Variants in B3GLCT observed in about 807,000 individuals in gnomAD.
B3GLCT encodes beta-1,3-glucosyltransferase.
In B3GLCT, 65 loss-of-function variants were observed where a neutral mutation model predicts 63.4. The ratio of observed to expected loss-of-function variants is 1.03; its 90% CI spans 0.84 to 1.26. The LOEUF (loss-of-function observed/expected upper bound fraction) is 1.26. Among genes scored for constraint, B3GLCT ranks in the 50% most tolerant of loss-of-function variants. The pLI, the probability that B3GLCT is intolerant of heterozygous loss-of-function variation, is 0.00. For missense variants in B3GLCT, 577 were observed against 604.8 expected (o/e 0.95, Z 0.48); for synonymous variants, 233 against 219.2 (o/e 1.06, Z -0.55).
chr13:31,299,795 T>A (rs1428682544), intron 12 of B3GLCT, among the ~76,000 whole-genome samples: 1 of 152,184 alleles, frequency 6.6e-6, no homozygotes, highest in African/African-American at 2.4e-5. Flanking sequence ...CTCTTCTGAT[T>A]GACATTGACT....
At chr13:31,251,664 G>A (rs1396154272) in intron 6 of B3GLCT, among the ~76,000 whole-genome samples, 1 of 151,474 alleles carries the variant, frequency 6.6e-6, no homozygotes, top group Non-Finnish European at 1.5e-5. Context: ...GACAAGATTA[G>A]AGAAAGAAGA....
At chr13:31,295,135 C>T (rs970230239) in intron 12 of B3GLCT, among the ~76,000 whole-genome samples, 2 of 152,190 alleles carry the variant, frequency 1.3e-5, no homozygotes, top group Non-Finnish European at 2.9e-5. Flanking sequence ...CTGGGTATTA[C>T]CAGTGGAGGC....
intron 1 of B3GLCT, among the ~76,000 whole-genome samples, chr13:31,201,810 G>C (rs544944019): frequency 6.6e-6 from 1 of 152,188 alleles, no homozygotes; most frequent in African/African-American, 2.4e-5. Flanking sequence ...AGGACATTCA[G>C]AATGCACTAA....
At chr13:31,272,853 T>G (rs954540820) in intron 8 of B3GLCT, among the ~76,000 whole-genome samples, 1 of 152,208 alleles carries the variant, frequency 6.6e-6, no homozygotes, top group Non-Finnish European at 1.5e-5. Flanking sequence ...TTTGCCATTG[T>G]TTTTGCTTAT....
chr13:31,276,781 G>C lies in B3GLCT; in HGVS notation c.850+10G>C. ...TTTCATGGTGACAGAAGTATGTTTTGGGTTATTCATTTTATTGAACGCTAA... is the reference window on the plus strand; with the variant it reads ...TTTCATGGTGACAGAAGTATGTTTTCGGTTATTCATTTTATTGAACGCTAA... On this transcript the variant is annotated intron_variant, in intron 10 of 14. Transcript: ENST00000343307. 6.2e-7 allele frequency: 1 copy of C among 1,602,854 alleles called. No individual in the cohort carries two copies. Among genetic ancestry groups the C allele is most frequent in the Middle Eastern group, 1.7e-4 (1 of 6,020 alleles).
intron 12 of B3GLCT, among the ~76,000 whole-genome samples, chr13:31,293,034 A>C (rs73174618): frequency 0.034 from 5,094 of 151,980 alleles, 100 homozygotes; most frequent in Admixed American, 0.077. Flanking sequence ...GTTCCAAAGA[A>C]CTTATTTCTG....
chr13:31,328,799 T>G (rs1333779981), intron 14 of B3GLCT, among the ~76,000 whole-genome samples: 1 of 151,136 alleles, frequency 6.6e-6, no homozygotes. Flanking sequence ...CCCTATATGC[T>G]ACTTCTTCAA....
intron 1 of B3GLCT, among the ~76,000 whole-genome samples, chr13:31,213,620 CA>C (rs1566042548): frequency 2.0e-3 from 121 of 60,900 alleles, no homozygotes; most frequent in South Asian, 5.7e-3. Context: ...CCCCCCACCC[CA>C]CCCCCCCCCC....
intron 6 of B3GLCT, among the ~76,000 whole-genome samples, chr13:31,250,808 A>G (rs1871391766): frequency 6.6e-6 from 1 of 152,212 alleles, no homozygotes; most frequent in Non-Finnish European, 1.5e-5. Flanking sequence ...AAATGTCCCT[A>G]CCTGGCAGCT....
chr13:31,309,862 C>T (rs1874615046), intron 12 of B3GLCT, among the ~76,000 whole-genome samples: 1 of 152,180 alleles, frequency 6.6e-6, no homozygotes, highest in Non-Finnish European at 1.5e-5. Context: ...CTTATTCAGA[C>T]TTTTCTTGGC....
In B3GLCT at chr13:31,331,836, C is replaced by T. The variant is rs1049987447; in HGVS notation, c.*2168C>T. 7 of 152,166 alleles carry T rather than the reference C, an allele frequency of 4.6e-5. 1 individual carries two copies. Among genetic ancestry groups the T allele is most frequent in the Admixed American group, 1.3e-4 (2 of 15,286 alleles). 9.4% of individuals were successfully genotyped at this position (152,166 alleles called of 1,614,324 possible). ...ACCAGATATTGTCTTACTCACATTT[C>T]CTTTGCTTTGAAATAGGGCTTTCCT... On this transcript the variant is annotated 3_prime_UTR_variant, in exon 15 of 15. Coordinates refer to ENST00000343307, the MANE Select transcript of B3GLCT (RefSeq NM_194318.4).
Position 31,299,931 on chromosome 13 carries a change from T to C in B3GLCT, c.1064+13112T>C, listed in dbSNP as rs183919894. On this transcript the variant is annotated intron_variant, in intron 12 of 14. Coordinates refer to ENST00000343307, the MANE Select transcript of B3GLCT (RefSeq NM_194318.4). ...TGGGCAGGCAATTGGTCACTGCCTA[T>C]GAGTTAGTAAAATCCTAAACACAAG... Among the ~76,000 whole-genome samples, 4 of 152,352 alleles carry C rather than the reference T, an allele frequency of 2.6e-5. No homozygotes were observed. The East Asian group carries it at 7.7e-4, about 29-fold the overall frequency.
chr13:31,295,004 G>A (rs1873860898), intron 12 of B3GLCT, among the ~76,000 whole-genome samples: 1 of 75,834 alleles, frequency 1.3e-5, no homozygotes. Context: ...TTGTGTGGAC[G>A]TCCTTTTTTT....
At position 31,260,945 on chromosome 13, in the gene B3GLCT, G is replaced by A; in HGVS notation, c.460-1G>A. On this transcript the variant is annotated splice_acceptor_variant, in intron 6 of 14. Coordinates refer to ENST00000343307, the MANE Select transcript of B3GLCT (RefSeq NM_194318.4). LOFTEE classifies it high-confidence loss of function. ...TGACATGTTATATCTTTATTTAACA[G>A]GAATGGTTTTTGGGAAAAGCATTAC... 2 of 1,612,852 alleles carry A rather than the reference G, an allele frequency of 1.2e-6. No individual in the cohort carries two copies. Among genetic ancestry groups the A allele is most frequent in the Non-Finnish European group, 1.7e-6 (2 of 1,178,892 alleles).
chr13:31,301,534 T>C (rs1257097989), intron 12 of B3GLCT, among the ~76,000 whole-genome samples: 3 of 152,248 alleles, frequency 2.0e-5, no homozygotes, highest in African/African-American at 7.2e-5. Context: ...GCAGCTTTCA[T>C]AATCCTAACA....
intron 8 of B3GLCT, among the ~76,000 whole-genome samples, chr13:31,273,106 T>G: frequency 6.6e-6 from 1 of 152,138 alleles, no homozygotes; most frequent in Non-Finnish European, 1.5e-5. Context: ...TTGTTTTTCT[T>G]TTGAGACAGA....
At chr13:31,259,610 C>A (rs1871919123) in intron 6 of B3GLCT, among the ~76,000 whole-genome samples, 1 of 151,560 alleles carries the variant, frequency 6.6e-6, no homozygotes, top group Non-Finnish European at 1.5e-5. Context: ...ATCTTGGGAC[C>A]CCCTTACATC....
intron 1 of B3GLCT, among the ~76,000 whole-genome samples, chr13:31,214,721 T>A (rs1869462726): frequency 1.3e-5 from 2 of 152,246 alleles, no homozygotes; most frequent in South Asian, 4.1e-4. Context: ...GGCACCAGAC[T>A]TAAGGTTTCT....
chr13:31,238,792 G>A (rs1566056495), intron 4 of B3GLCT, among the ~76,000 whole-genome samples: 1 of 152,132 alleles, frequency 6.6e-6, no homozygotes, highest in Admixed American at 6.5e-5. Context: ...GAAAAAAATT[G>A]ACTCAACAAA....
Sources: gnomAD v4.1 joint callset for allele counts (sites outside exome capture counted in the v4.1 genomes callset) on GRCh38, gnomAD v4.1.1 for gene constraint, MANE v1.5 for transcripts, NCBI Gene and HGNC (gene_info 2026-07-23, HGNC 2026-07-21) for gene names.